Variants in SBNO1 observed in about 807,000 individuals in gnomAD.
SBNO1 encodes the protein protein strawberry notch homolog 1.
SBNO1 carries 23 observed loss-of-function variants against 173.6 expected under a neutral mutation model. The observed-to-expected ratio is 0.13, with a 90% CI of 0.10 to 0.19. The LOEUF (loss-of-function observed/expected upper bound fraction) is 0.19, where lower values mean the gene tolerates loss of function less well. Among genes scored for constraint, SBNO1 ranks in the 10% least tolerant of loss-of-function variants. SBNO1 has a pLI of 1.00. For missense variants in SBNO1, 1,238 were observed against 1,671.2 expected (o/e 0.74, Z 4.52); for synonymous variants, 632 against 571.5 (o/e 1.11, Z -1.51).
intron 12 of SBNO1, 31 bp from the exon 13 acceptor site, chr12:123,327,610 C>T: frequency 6.2e-7 from 1 of 1,603,440 alleles, no homozygotes. Context: ...CAGTAATTAC[C>T]AATACAGTAG....
intron 24 of SBNO1, among the ~76,000 whole-genome samples, chr12:123,311,704 C>CTATA (rs1868539214): frequency 3.3e-5 from 2 of 60,478 alleles, no homozygotes; most frequent in African/African-American, 1.2e-4. Context: ...ATCTATCTAT[C>CTATA]TATCTATCTA....
At chr12:123,298,477 T>TA (rs1196043996) in intron 30 of SBNO1, among the ~76,000 whole-genome samples, 1 of 152,138 alleles carries the variant, frequency 6.6e-6, no homozygotes. Flanking sequence ...AGGCTGGTCT[T>TA]AAACTCCTGA....
At chr12:123,316,364 A>T (rs1348354616) in intron 21 of SBNO1, among the ~76,000 whole-genome samples, 1 of 152,050 alleles carries the variant, frequency 6.6e-6, no homozygotes, top group Admixed American at 6.6e-5. Context: ...AGCCAGGATT[A>T]CAGGCATGCA....
intron 4 of SBNO1, 105 bp from the exon 5 acceptor site, chr12:123,341,193 T>C (rs1371756974): frequency 2.2e-5 from 14 of 630,268 alleles, no homozygotes; most frequent in Non-Finnish European, 3.7e-5. Flanking sequence ...CTCACACCTG[T>C]AATCCCAGCA....
At position 123,309,768 on chromosome 12, in the gene SBNO1, T is replaced by A. The variant is rs376266123; in HGVS notation, c.3384A>T (p.Thr1128=). The change falls in exon 26 of 32, where the codon ACA becomes ACT. Residue 1128 remains threonine (T), a synonymous_variant. Transcript: ENST00000602398. ...QNALFQYFAD[T]LTAVVQNAKK... ...TGGCATTTTGAACAACTGCAGTAAG[T>A]GTGTCCGCAAAATACTGAAATAACG... 3.7e-6 allele frequency: 6 copies of A among 1,613,358 alleles called. No homozygotes were observed. Among genetic ancestry groups the A allele is most frequent in the Non-Finnish European group, 5.1e-6 (6 of 1,179,754 alleles).
intron 1 of SBNO1, among the ~76,000 whole-genome samples, chr12:123,362,435 CAAAAAAAAAAAAAAAAAAA>C (rs56019572): frequency 3.8e-4 from 19 of 49,740 alleles, no homozygotes; most frequent in Non-Finnish European, 5.2e-4. Flanking sequence ...GACTCCGTCT[CAAAAAAAAAAAAAAAAAAA>C]AAAAAAAAAA....
intron 24 of SBNO1, among the ~76,000 whole-genome samples, chr12:123,313,265 A>G (rs1452147425): frequency 3.3e-5 from 5 of 149,332 alleles, no homozygotes; most frequent in African/African-American, 1.2e-4. Context: ...ATTTTTAAAA[A>G]AGACTCGGTC....
chr12:123,333,670 G>GTA (rs1351296656), intron 7 of SBNO1, among the ~76,000 whole-genome samples: 1 of 151,722 alleles, frequency 6.6e-6, no homozygotes, highest in Non-Finnish European at 1.5e-5. Flanking sequence ...CTAATTTTTT[G>GTA]TATTTTTCGT....
At chr12:123,301,989 G>A (rs1286752341) in intron 30 of SBNO1, among the ~76,000 whole-genome samples, 1 of 151,802 alleles carries the variant, frequency 6.6e-6, no homozygotes, top group Non-Finnish European at 1.5e-5. Flanking sequence ...TGCCCAGGCT[G>A]GAGTGCAGTG....
Position 123,331,251 on chromosome 12 carries a change from C to T in SBNO1, c.1034G>A (p.Arg345Gln). ...IYENYLLSRK[R>Q]ALWFSVSNDL... ...GTTTTTAAACACTTACCACAATGCT[C>T]GTTTTCTACTCAACAAATAATTTTC... Residue 345 changes from arginine (R) to glutamine (Q), a missense_variant, in exon 8 of 32, where the codon CGA becomes CAA. Arg to Gln is a conservative substitution (Grantham distance 43). This residue lies in a region of SBNO1 where 56 missense variants were observed against 65.1 expected (regional missense o/e 0.86). Transcript: ENST00000602398. 1 of 1,613,812 alleles carries T rather than the reference C, an allele frequency of 6.2e-7. No homozygotes were observed.
At chr12:123,364,369 G>A (rs1167670187) in intron 1 of SBNO1, 1 of 985,204 alleles carries the variant, frequency 1.0e-6, no homozygotes, top group Non-Finnish European at 1.2e-6. Flanking sequence ...AGCGGAGCCG[G>A]CGTGCACAGA....
Position 123,313,653 on chromosome 12 carries a change from G to C in SBNO1, c.3187C>G (p.Pro1063Ala). The change falls in exon 24 of 32, where the codon CCA becomes GCA. Residue 1063 changes from proline (P) to alanine (A), a missense_variant. By Grantham distance (27) the Pro-to-Ala change is conservative. Transcript: ENST00000602398. ...IVNLDSPMVS[P>A]PPDYPGEFFK... Reference sequence around the variant, plus strand: ...AATTCTCCAGGATAGTCTGGAGGTGGTGATACCATAGGAGAATCCAAGTTT... The same window carrying C: ...AATTCTCCAGGATAGTCTGGAGGTGCTGATACCATAGGAGAATCCAAGTTT... The C allele has an allele frequency of 6.2e-7, 1 of 1,604,316 alleles. No individual in the cohort carries two copies.
At chr12:123,331,105 G>T in intron 8 of SBNO1, 137 bp downstream of exon 8, 3 of 740,840 alleles carry the variant, frequency 4.0e-6, no homozygotes, top group East Asian at 2.9e-5. Flanking sequence ...TGGGACTACA[G>T]GAACCCACCA....
At chr12:123,299,691 A>AAAAC (rs1184123324) in intron 30 of SBNO1, among the ~76,000 whole-genome samples, 13 of 150,936 alleles carry the variant, frequency 8.6e-5, no homozygotes, top group East Asian at 2.0e-4. Flanking sequence ...CAAAAAAAAA[A>AAAAC]AAAAAAAACA....
At chr12:123,358,173 C>G (rs1874683913) in intron 1 of SBNO1, among the ~76,000 whole-genome samples, 1 of 152,176 alleles carries the variant, frequency 6.6e-6, no homozygotes, top group Non-Finnish European at 1.5e-5. Context: ...ATACACATAG[C>G]CTGAAGATAG....
Position 123,309,926 on chromosome 12 carries a change from T to C in SBNO1, c.3296-70A>G. 3.4e-6 allele frequency: 4 copies of C among 1,191,136 alleles called. 1 individual carries two copies. The South Asian group carries it at 4.4e-5, about 13-fold the overall frequency. 73.8% of individuals were successfully genotyped at this position (1,191,136 alleles called of 1,614,324 possible). A position where few individuals can be genotyped will look rare whatever the true frequency, so the allele number is the denominator to read the frequency against. ...AAATTTTTTATTCATCTAGGCTTAGTTCAAGTCCCACTTTCTCTTCTAAAA... is the reference window on the plus strand; with the variant it reads ...AAATTTTTTATTCATCTAGGCTTAGCTCAAGTCCCACTTTCTCTTCTAAAA... On this transcript the variant is annotated intron_variant, in intron 25 of 31. Transcript: ENST00000602398.
At chr12:123,351,152 T>C (rs2139076989) in intron 1 of SBNO1, among the ~76,000 whole-genome samples, 1 of 151,748 alleles carries the variant, frequency 6.6e-6, no homozygotes, top group South Asian at 2.1e-4. Context: ...AGAAAACCTC[T>C]GGAGTTAATT....
At chr12:123,301,868 G>T (rs1297702405) in intron 30 of SBNO1, among the ~76,000 whole-genome samples, 1 of 152,040 alleles carries the variant, frequency 6.6e-6, no homozygotes, top group Non-Finnish European at 1.5e-5. Flanking sequence ...GATATAGGGA[G>T]ACTGTCTCTT....
At chr12:123,297,177 TG>T (rs2048626789) in intron 31 of SBNO1, among the ~76,000 whole-genome samples, 1 of 150,728 alleles carries the variant, frequency 6.6e-6, no homozygotes, top group African/African-American at 2.4e-5. Flanking sequence ...CTGGCCAACA[TG>T]GTGAAAACCC....
Sources: gnomAD v4.1 joint callset for allele counts (sites outside exome capture counted in the v4.1 genomes callset) on GRCh38, gnomAD v4.1.1 for gene constraint, gnomAD v4.1.1 regional missense constraint, MANE v1.5 for transcripts, NCBI Gene and HGNC (gene_info 2026-07-23, HGNC 2026-07-21) for gene names.